Variants in ASTN2 observed in about 807,000 individuals in gnomAD.
The protein encoded by ASTN2 is astrotactin-2.
Under a neutral mutation model 139.8 loss-of-function variants are expected in ASTN2, and 54 were observed. That is an observed-to-expected ratio of 0.39 (90% CI 0.31 to 0.48). ASTN2 has a LOEUF of 0.48. ASTN2 is among the 20% of genes least tolerant of loss of function. The pLI is 0.95. For synonymous variants in ASTN2, 756 were observed against 719.5 expected, an observed-to-expected ratio of 1.05 and a Z score of -0.81; for missense variants, 1,565 against 1,725.1, an observed-to-expected ratio of 0.91 and a Z score of 1.64.
intron 19 of ASTN2, among the ~76,000 whole-genome samples, chr9:116,566,149 G>T (rs2131676713): frequency 6.6e-6 from 1 of 152,278 alleles, no homozygotes; most frequent in African/African-American, 2.4e-5. Flanking sequence ...CCTTAGTCTT[G>T]TCTGGCCTTG....
chr9:116,641,501 C>A (rs926770393), intron 17 of ASTN2, among the ~76,000 whole-genome samples: 3 of 152,046 alleles, frequency 2.0e-5, no homozygotes, highest in Non-Finnish European at 2.9e-5. Context: ...GTTCAGTGAG[C>A]CAAGTACATA....
At chr9:116,879,115 T>C (rs186397429) in intron 10 of ASTN2, among the ~76,000 whole-genome samples, 310 of 152,210 alleles carry the variant, frequency 2.0e-3, no homozygotes, top group African/African-American at 7.0e-3. Flanking sequence ...GGCTCAGGTA[T>C]GGTATCAGAG....
intron 10 of ASTN2, among the ~76,000 whole-genome samples, chr9:116,905,683 T>C (rs1834135700): frequency 6.6e-6 from 1 of 152,156 alleles, no homozygotes; most frequent in African/African-American, 2.4e-5. Context: ...AAATGTGTTT[T>C]ATGCTCTTAC....
chr9:116,615,425 C>G (rs993951779), intron 19 of ASTN2, among the ~76,000 whole-genome samples: 1 of 151,958 alleles, frequency 6.6e-6, no homozygotes, highest in African/African-American at 2.4e-5. Context: ...CACGTGCACA[C>G]GTATGTTTAT....
chr9:116,547,022 G>A (rs1342884493), intron 19 of ASTN2, among the ~76,000 whole-genome samples: 1 of 152,144 alleles, frequency 6.6e-6, no homozygotes, highest in Non-Finnish European at 1.5e-5. Context: ...TTTATGTGGT[G>A]GTGTGATATT....
At chr9:117,178,664 G>T (rs905280588) in intron 3 of ASTN2, among the ~76,000 whole-genome samples, 1 of 152,188 alleles carries the variant, frequency 6.6e-6, no homozygotes, top group Non-Finnish European at 1.5e-5. Context: ...TGGAATTCTG[G>T]CCTGCCTATC....
At chr9:117,065,041 G>A (rs1475386317) in intron 5 of ASTN2, among the ~76,000 whole-genome samples, 1 of 152,120 alleles carries the variant, frequency 6.6e-6, no homozygotes, top group Non-Finnish European at 1.5e-5. Context: ...AGGCCCTAAA[G>A]CCAATGATTG....
At chr9:116,882,959 A>C (rs1833489298) in intron 10 of ASTN2, among the ~76,000 whole-genome samples, 4 of 152,240 alleles carry the variant, frequency 2.6e-5, no homozygotes, top group Admixed American at 2.6e-4. Flanking sequence ...ATAACTTGCC[A>C]ACATTTATGG....
At chr9:117,230,786 T>C (rs947622436) in intron 2 of ASTN2, among the ~76,000 whole-genome samples, 4 of 152,140 alleles carry the variant, frequency 2.6e-5, no homozygotes, top group African/African-American at 9.7e-5. Context: ...AGTGCATGCA[T>C]CATGGAAAGG....
In ASTN2 at chr9:117,125,992, ACCAGCATTTT is replaced by A. The variant is rs547546597; in HGVS notation, c.1168+15324_1168+15333del. Among the ~76,000 whole-genome samples, 1,297 of 152,346 alleles carry A rather than the reference ACCAGCATTTT, an allele frequency of 8.5e-3. 22 individuals are homozygous for A. The highest frequency in any genetic ancestry group is 0.03 in the African/African-American group (1,234 of 41,580). On this transcript the variant is annotated intron_variant, in intron 4 of 22. Coordinates refer to ENST00000313400, the MANE Select transcript of ASTN2 (RefSeq NM_001365068.1). ...GGGACAATTAGACCTTGTACATCAA[ACCAGCATTTT>A]TCCATCATGGAATTACATTAAAGGT...
chr9:116,743,316 C>T (rs764342775), intron 13 of ASTN2, among the ~76,000 whole-genome samples: 16 of 152,072 alleles, frequency 1.1e-4, no homozygotes, highest in Admixed American at 2.6e-4. Context: ...TTTGGGAGGC[C>T]GAGGCAGGCA....
intron 15 of ASTN2, among the ~76,000 whole-genome samples, 185 bp downstream of exon 15, chr9:116,728,807 T>A (rs1168257135): frequency 1.3e-5 from 2 of 152,146 alleles, no homozygotes; most frequent in African/African-American, 4.8e-5. Flanking sequence ...CATTATTGCA[T>A]CGACCCTACT....
At chr9:117,097,626 G>C (rs2132757591) in intron 4 of ASTN2, among the ~76,000 whole-genome samples, 1 of 152,252 alleles carries the variant, frequency 6.6e-6, no homozygotes, top group African/African-American at 2.4e-5. Flanking sequence ...CTGAAAGATG[G>C]GAACAGAGGG....
chr9:116,608,147 CAG>C, intron 19 of ASTN2, among the ~76,000 whole-genome samples: 1 of 152,240 alleles, frequency 6.6e-6, no homozygotes, highest in East Asian at 1.9e-4. Context: ...ATTGCCCAGA[CAG>C]AGTTCTGAGA....
chr9:117,356,118 A>T (rs1012127390), intron 1 of ASTN2, among the ~76,000 whole-genome samples: 2 of 152,184 alleles, frequency 1.3e-5, no homozygotes, highest in Non-Finnish European at 2.9e-5. Context: ...AAGTTAGTAG[A>T]AAGGAAATGT....
At chr9:117,315,719 C>G (rs1350748882) in intron 1 of ASTN2, among the ~76,000 whole-genome samples, 1 of 152,090 alleles carries the variant, frequency 6.6e-6, no homozygotes, top group African/African-American at 2.4e-5. Context: ...TAAATTCAGC[C>G]CATCATAGAA....
At chr9:116,828,670 C>T (rs1480651805) in intron 11 of ASTN2, among the ~76,000 whole-genome samples, 1 of 152,130 alleles carries the variant, frequency 6.6e-6, no homozygotes, top group Non-Finnish European at 1.5e-5. Context: ...CCCCTTTCAA[C>T]ACTCTTATTC....
intron 4 of ASTN2, among the ~76,000 whole-genome samples, chr9:117,115,161 C>T (rs1414458511): frequency 1.3e-5 from 2 of 152,138 alleles, no homozygotes; most frequent in African/African-American, 4.8e-5. Flanking sequence ...TTAACAGTGA[C>T]CTTAAGTGAG....
intron 6 of ASTN2, among the ~76,000 whole-genome samples, chr9:117,029,726 A>G (rs1273838103): frequency 6.6e-6 from 1 of 152,038 alleles, no homozygotes; most frequent in Non-Finnish European, 1.5e-5. Context: ...GAAGCAGAAC[A>G]CTATATAAGA....
Sources: allele counts gnomAD v4.1 joint callset (sites outside exome capture counted in the v4.1 genomes callset), GRCh38; gene constraint gnomAD v4.1.1; transcripts MANE v1.5; gene names NCBI Gene and HGNC (gene_info 2026-07-23, HGNC 2026-07-21).